ARHGAP15: variants seen among roughly 807,000 people sequenced by gnomAD.
ARHGAP15 encodes rho GTPase-activating protein 15.
ARHGAP15 carries 51 observed loss-of-function variants against 63.7 expected under a neutral mutation model. The ratio of observed to expected loss-of-function variants is 0.80; its 90% confidence interval spans 0.64 to 1.01. The LOEUF (loss-of-function observed/expected upper bound fraction) is 1.01. Among genes scored for constraint, ARHGAP15 ranks in the 50% least tolerant of loss-of-function variants. ARHGAP15 has a pLI of 0.00. For synonymous variants in ARHGAP15, 191 were observed against 193.8 expected (o/e 0.99, Z 0.12); for missense variants, 560 against 564.6 (o/e 0.99, Z 0.08).
At position 143,599,077 on chromosome 2, in the gene ARHGAP15, T is replaced by C. The variant is rs1697651144; in HGVS notation, c.1004-25056T>C. On this transcript the variant is annotated intron_variant, in intron 11 of 13. Coordinates refer to ENST00000295095, the MANE Select transcript of ARHGAP15 (RefSeq NM_018460.4). ...GGGTACATTGTTCAGGGTTGCAAAG[T>C]GAAGTTGAGAGTCTTAAATAGAGGG... Among the ~76,000 whole-genome samples, 5 of 152,102 alleles carry C rather than the reference T, an allele frequency of 3.3e-5. No individual in the cohort carries two copies. The South Asian group carries it at 1.0e-3, about 32-fold the overall frequency.
chr2:143,494,101 A>G (rs1371860082), intron 9 of ARHGAP15, among the ~76,000 whole-genome samples: 1 of 152,088 alleles, frequency 6.6e-6, no homozygotes, highest in Non-Finnish European at 1.5e-5. Context: ...AATTTTAAGA[A>G]TTATGATTCT....
At chr2:143,375,245 A>T (rs549314266) in intron 6 of ARHGAP15, among the ~76,000 whole-genome samples, 48 of 152,330 alleles carry the variant, frequency 3.2e-4, no homozygotes, top group African/African-American at 1.1e-3. Flanking sequence ...CATTACTAAC[A>T]TCTATCTAGA....
intron 5 of ARHGAP15, among the ~76,000 whole-genome samples, 172 bp downstream of exon 5, chr2:143,228,840 T>G (rs1693326898): frequency 6.6e-6 from 1 of 152,132 alleles, no homozygotes; most frequent in African/African-American, 2.4e-5. Flanking sequence ...TAGAACTTAG[T>G]GTCTGTTTTA....
At chr2:143,525,463 T>G (rs199670435) in intron 10 of ARHGAP15, among the ~76,000 whole-genome samples, 2 of 65,554 alleles carry the variant, frequency 3.1e-5, no homozygotes, top group Non-Finnish European at 7.3e-5. Context: ...TATGTTTTTG[T>G]TTTTTTTTTT....
At chr2:143,754,199 T>C (rs768286056) in intron 13 of ARHGAP15, among the ~76,000 whole-genome samples, 1 of 152,196 alleles carries the variant, frequency 6.6e-6, no homozygotes, top group African/African-American at 2.4e-5. Context: ...AGGATATCCA[T>C]TAATACAGCG....
intron 6 of ARHGAP15, among the ~76,000 whole-genome samples, chr2:143,329,092 A>C (rs183214896): frequency 6.6e-6 from 1 of 152,260 alleles, no homozygotes; most frequent in Non-Finnish European, 1.5e-5. Context: ...GTGTTAAAGC[A>C]GTAACTTTAC....
At chr2:143,673,754 G>GTA (rs1166388931) in intron 12 of ARHGAP15, among the ~76,000 whole-genome samples, 1 of 31,406 alleles carries the variant, frequency 3.2e-5, no homozygotes, top group Non-Finnish European at 7.7e-5. Context: ...GTGTGTGTGT[G>GTA]TGTGTATATA....
chr2:143,284,221 G>T (rs572030530), intron 6 of ARHGAP15, among the ~76,000 whole-genome samples: 2 of 152,286 alleles, frequency 1.3e-5, no homozygotes, highest in East Asian at 3.9e-4. Context: ...ATACAGAAGT[G>T]CAGTGAGCCA....
intron 1 of ARHGAP15, among the ~76,000 whole-genome samples, chr2:143,153,202 C>T (rs981259200): frequency 6.6e-6 from 1 of 151,808 alleles, no homozygotes; most frequent in African/African-American, 2.4e-5. Flanking sequence ...ATGCTCTTGG[C>T]CAGAAGAGAG....
intron 8 of ARHGAP15, chr2:143,437,339 G>A: frequency 3.7e-6 from 1 of 272,582 alleles, no homozygotes; most frequent in South Asian, 4.8e-5. Flanking sequence ...TTTGAGAGTG[G>A]GAAATGTCAA....
chr2:143,431,572 A>G (rs771213793), intron 6 of ARHGAP15, among the ~76,000 whole-genome samples: 1 of 152,044 alleles, frequency 6.6e-6, no homozygotes, highest in Non-Finnish European at 1.5e-5. Context: ...CATGATGTAA[A>G]TGTGCCTGCA....
At chr2:143,163,585 G>A (rs1478940632) in intron 2 of ARHGAP15, among the ~76,000 whole-genome samples, 1 of 151,934 alleles carries the variant, frequency 6.6e-6, no homozygotes, top group African/African-American at 2.4e-5. Flanking sequence ...CTCAGGACAA[G>A]CTGACAATAA....
At chr2:143,690,926 T>C (rs1683569455) in intron 12 of ARHGAP15, among the ~76,000 whole-genome samples, 1 of 151,940 alleles carries the variant, frequency 6.6e-6, no homozygotes, top group Non-Finnish European at 1.5e-5. Context: ...AGCAGTCATA[T>C]CCCCCGTGAT....
intron 11 of ARHGAP15, among the ~76,000 whole-genome samples, chr2:143,577,073 G>C (rs1696708227): frequency 1.3e-5 from 2 of 152,116 alleles, no homozygotes; most frequent in South Asian, 4.1e-4. Context: ...TATAAGTAAA[G>C]TCTTCCCACT....
chr2:143,554,569 A>G lies in ARHGAP15; in HGVS notation c.926-1839A>G, dbSNP rs190301050. On this transcript the variant is annotated intron_variant, in intron 10 of 13. Transcript: ENST00000295095. ...AATGTACAATTTTTAATATTTTTAA[A>G]TCTATCACGTTATTTAAAATTTCAT... Among the ~76,000 whole-genome samples the G allele has an allele frequency of 1.6e-3, 248 of 152,282 alleles. 1 individual carries two copies. Among genetic ancestry groups the G allele is most frequent in the Middle Eastern group, 3.4e-3 (1 of 294 alleles).
At chr2:143,442,362 A>G (rs1428270988) in intron 8 of ARHGAP15, among the ~76,000 whole-genome samples, 2 of 152,010 alleles carry the variant, frequency 1.3e-5, no homozygotes, top group Non-Finnish European at 2.9e-5. Flanking sequence ...AATTTGCTGC[A>G]CCTCTGGCCC....
chr2:143,565,287 G>A (rs1696178617), intron 11 of ARHGAP15, among the ~76,000 whole-genome samples: 1 of 151,970 alleles, frequency 6.6e-6, no homozygotes, highest in Non-Finnish European at 1.5e-5. Flanking sequence ...TTTTCCAGGT[G>A]TTCAGCCTAT....
At chr2:143,593,618 T>C (rs1208038179) in intron 11 of ARHGAP15, among the ~76,000 whole-genome samples, 1 of 152,204 alleles carries the variant, frequency 6.6e-6, no homozygotes, top group Non-Finnish European at 1.5e-5. Flanking sequence ...ACTGCATTAA[T>C]TAAATCGCTC....
At chr2:143,177,110 G>T (rs1029597560) in intron 2 of ARHGAP15, among the ~76,000 whole-genome samples, 1 of 152,216 alleles carries the variant, frequency 6.6e-6, no homozygotes, top group Non-Finnish European at 1.5e-5. Flanking sequence ...TCACAGTGAG[G>T]AGTATTGTGA....
Sources: allele counts gnomAD v4.1 joint callset (sites outside exome capture counted in the v4.1 genomes callset), GRCh38; gene constraint gnomAD v4.1.1; transcripts MANE v1.5; gene names NCBI Gene and HGNC (gene_info 2026-07-23, HGNC 2026-07-21).